The following USH1C variants were observed in gnomAD, a reference collection of about 807,000 sequenced individuals.
USH1C encodes the protein USH1 protein network component harmonin.
A neutral mutation model predicts 119.3 loss-of-function variants in USH1C; 90 were observed. The ratio of observed to expected loss-of-function variants is 0.75; its 90% CI spans 0.64 to 0.90. USH1C has a LOEUF of 0.90. USH1C is among the 40% of genes least tolerant of loss of function. The pLI, the probability that USH1C is intolerant of heterozygous loss-of-function variation, is 0.00. For missense variants in USH1C, 1,165 were observed against 1,167.7 expected, an observed-to-expected ratio of 1.00 and a Z score of 0.03; for synonymous variants, 465 against 443.3, an observed-to-expected ratio of 1.05 and a Z score of -0.62.
At chr11:17,524,341 G>T in intron 9 of USH1C, 110 bp downstream of exon 9, 1 of 1,192,442 alleles carries the variant, frequency 8.4e-7, no homozygotes, top group Non-Finnish European at 1.2e-6. Context: ...CTCCCTCAGT[G>T]TCCACTGAAA....
chr11:17,516,293 A>G lies in USH1C; in HGVS notation c.1211-3T>C, dbSNP rs749767662. 8 of 1,612,728 alleles carry G rather than the reference A, an allele frequency of 5.0e-6. No individual in the cohort carries two copies. Among genetic ancestry groups the G allele is most frequent in the South Asian group, 3.3e-5 (3 of 90,472 alleles). ...GTAACGATAAAACCATCCAAAAGCT[A>G]TAAGACACAGATAACAAAATGATGA... On this transcript the variant is annotated splice_region_variant and splice_polypyrimidine_tract_variant and intron_variant, in intron 14 of 26. Coordinates refer to ENST00000005226, the MANE Select transcript of USH1C (RefSeq NM_153676.4).
intron 7 of USH1C, 40 bp downstream of exon 7, chr11:17,526,713 G>T (rs1850692844): frequency 1.2e-6 from 2 of 1,603,812 alleles, no homozygotes; most frequent in South Asian, 1.1e-5. Flanking sequence ...CCTTGAAGAT[G>T]ACCCCACCCA....
At chr11:17,506,471 A>G (rs1168956885) in intron 18 of USH1C, among the ~76,000 whole-genome samples, 1 of 152,300 alleles carries the variant, frequency 6.6e-6, no homozygotes, top group East Asian at 1.9e-4. Context: ...CTTTTTGGGC[A>G]AGATGTATCA....
chr11:17,525,505 G>A (rs1197319805), intron 8 of USH1C, among the ~76,000 whole-genome samples: 1 of 152,228 alleles, frequency 6.6e-6, no homozygotes, highest in Non-Finnish European at 1.5e-5. Flanking sequence ...ACCCTGTGAT[G>A]TGGGAATTAT....
chr11:17,513,857 T>C (rs750488765), intron 15 of USH1C, among the ~76,000 whole-genome samples: 1 of 152,048 alleles, frequency 6.6e-6, no homozygotes, highest in Non-Finnish European at 1.5e-5. Context: ...CTACCAGTGC[T>C]AAGATTATAG....
intron 23 of USH1C, among the ~76,000 whole-genome samples, chr11:17,500,782 A>G (rs1364848704): frequency 6.6e-6 from 1 of 152,066 alleles, no homozygotes; most frequent in East Asian, 1.9e-4. Flanking sequence ...TGTGACTTTC[A>G]GTATCTGGCA....
At position 17,512,052 on chromosome 11, in the gene USH1C, T is replaced by C. The variant is rs1288920914; in HGVS notation, c.1263A>G (p.Lys421=). The change falls in exon 16 of 27, where the codon AAA becomes AAG. Residue 421 remains lysine, a splice_region_variant and synonymous_variant. Coordinates refer to ENST00000005226, the MANE Select transcript of USH1C (RefSeq NM_153676.4). ...YDGKFPTIRK[K]GKDKKKAKYG... ...ACTTGGCTTTCTTCTTATCTTTTCCTTTCTGAGTAGATGTGGCATTGTTTA... is the reference window on the plus strand; with the variant it reads ...ACTTGGCTTTCTTCTTATCTTTTCCCTTCTGAGTAGATGTGGCATTGTTTA... 3.7e-6 allele frequency: 6 copies of C among 1,614,198 alleles called. No individual in the cohort carries two copies. The highest frequency in any genetic ancestry group is 4.2e-6 in the Non-Finnish European group (5 of 1,180,026).
chr11:17,506,952 T>C (rs1258283349), intron 18 of USH1C, among the ~76,000 whole-genome samples: 2 of 152,170 alleles, frequency 1.3e-5, no homozygotes, highest in South Asian at 2.1e-4. Flanking sequence ...TCAATAAGCA[T>C]GTGTTGAATG....
chr11:17,509,884 G>T, intron 17 of USH1C, 46 bp from the exon 18 acceptor site: 1 of 1,565,602 alleles, frequency 6.4e-7, no homozygotes, highest in African/African-American at 1.3e-5. Flanking sequence ...TCTGCTTAGA[G>T]CTCCACTTCA....
Position 17,523,060 on chromosome 11 carries a change from A to G in USH1C, c.877-134T>C, listed in dbSNP as rs761297646. 1.9e-6 allele frequency: 3 copies of G among 1,574,316 alleles called. No individual in the cohort carries two copies. The Admixed American group carries it at 5.0e-5, about 26-fold the overall frequency. On this transcript the variant is annotated intron_variant, in intron 11 of 26. Coordinates refer to ENST00000005226, the MANE Select transcript of USH1C (RefSeq NM_153676.4). ...TGCGGCTCCCGCAATCCCTGACCCA[A>G]ACTTCTTGCTGGGCAGAAGTCCTCT... is the stretch of plus-strand genomic sequence containing the variant.
chr11:17,498,879 C>T lies in USH1C; in HGVS notation c.2381-608G>A, dbSNP rs111354925. On this transcript the variant is annotated intron_variant, in intron 23 of 26. Coordinates refer to ENST00000005226, the MANE Select transcript of USH1C (RefSeq NM_153676.4). ...CTCTCCCACCACACTGTCAGCTCCA[C>T]GTGGGCAGGGATTGTCTTTTTGGTT... 2.1e-3 allele frequency among the ~76,000 whole-genome samples: 326 copies of T among 152,354 alleles called. 1 individual carries two copies. Among genetic ancestry groups the T allele is most frequent in the Non-Finnish European group, 2.5e-3 (173 of 68,036 alleles).
At position 17,523,283 on chromosome 11, in the gene USH1C, G is replaced by A. The variant is rs1408756323; in HGVS notation, c.820-16C>T. On this transcript the variant is annotated splice_polypyrimidine_tract_variant and intron_variant, in intron 10 of 26. Coordinates refer to ENST00000005226, the MANE Select transcript of USH1C (RefSeq NM_153676.4). ...CATTTACAGCCTGTGGGGACAGAAGGACAGTGGGCCGAGGCCTGACAGACC... is the reference window on the plus strand; with the variant it reads ...CATTTACAGCCTGTGGGGACAGAAGAACAGTGGGCCGAGGCCTGACAGACC... 1.9e-6 allele frequency: 3 copies of A among 1,614,216 alleles called. No individual in the cohort carries two copies. Among genetic ancestry groups the A allele is most frequent in the African/African-American group, 1.3e-5 (1 of 75,064 alleles).
rs1419217210 is a variant in USH1C, at chr11:17,544,262, C to A, written c.36+10G>T. 1.2e-6 allele frequency: 2 copies of A among 1,614,010 alleles called. No individual in the cohort carries two copies. Among genetic ancestry groups the A allele is most frequent in the South Asian group, 2.2e-5 (2 of 91,086 alleles). On this transcript the variant is annotated intron_variant, in intron 1 of 26. Transcript: ENST00000005226. ...AGTCCCAGAAGCCTGGGGCGCCCTG[C>A]AGCTCTGACCTTATGCCGGAATTCT...
At position 17,510,456 on chromosome 11, in the gene USH1C, G is replaced by A; in HGVS notation, c.1479C>T (p.Leu493=). The A allele has an allele frequency of 6.2e-7, 1 of 1,613,276 alleles. No homozygotes were observed. The highest frequency in any genetic ancestry group is 8.5e-7 in the Non-Finnish European group (1 of 1,179,926). Residue 493 remains leucine (L), a synonymous_variant, in exon 17 of 27, where the codon CTC becomes CTT. Transcript: ENST00000005226. Reference sequence around the variant, plus strand: ...AAATCTGCTCGAGGCGCGTTTGACAGAGCCTCTCCACCCAATATTGAATCT... The same window carrying A: ...AAATCTGCTCGAGGCGCGTTTGACAAAGCCTCTCCACCCAATATTGAATCT... ...SEKIQYWVER[L]CQTRLEQISS... is the part of the protein sequence containing the mutation.
rs763367346 is a variant in USH1C, at chr11:17,495,615, C to T, written c.2609G>A (p.Arg870His). 6.1e-5 allele frequency: 98 copies of T among 1,614,080 alleles called. 1 individual carries two copies. Among genetic ancestry groups the T allele is most frequent in the South Asian group, 3.4e-4 (31 of 91,086 alleles). Residue 870 changes from arginine (R) to histidine (H), a missense_variant, in exon 26 of 27, where the codon CGT becomes CAT. Physicochemically the swap from Arg to His is conservative, Grantham distance 29. Transcript: ENST00000005226. ...PQPVRKLLED[R>H]AAVHRHGFLL... ...GAACCCGTGTCTGTGCACGGCAGCA[C>T]GGTCTTCAAGGAGCTTTCGGACCGG...
intron 8 of USH1C, among the ~76,000 whole-genome samples, chr11:17,525,627 G>A (rs988129819): frequency 1.3e-5 from 2 of 152,160 alleles, no homozygotes; most frequent in African/African-American, 4.8e-5. Flanking sequence ...TCTGAGTAAC[G>A]GTGGCACCTG....
chr11:17,531,370 T>C lies in USH1C; in HGVS notation c.248+29A>G, dbSNP rs1287555147. On this transcript the variant is annotated intron_variant, in intron 3 of 26. Coordinates refer to ENST00000005226, the MANE Select transcript of USH1C (RefSeq NM_153676.4). The surrounding 1 kb of genome is among the most constrained non-coding windows in gnomAD (Gnocchi z 4.2). ...CGCCCAGGGTGATCTCTCCACCCCC[T>C]GCCTCCAGCCTGGTGGCTTCCTCTG... 6.2e-7 allele frequency: 1 copy of C among 1,613,718 alleles called. No individual in the cohort carries two copies. Among genetic ancestry groups the C allele is most frequent in the East Asian group, 2.2e-5 (1 of 44,862 alleles).
In USH1C at chr11:17,511,923, C is replaced by A; in HGVS notation, c.1392G>T (p.Lys464Asn). The A allele has an allele frequency of 6.2e-7, 1 of 1,614,004 alleles. No homozygotes were observed. Among genetic ancestry groups the A allele is most frequent in the Non-Finnish European group, 8.5e-7 (1 of 1,179,990 alleles). The stretch of plus-strand genomic sequence containing the variant: ...ATACCTCCTGGGCCAGCCGGTTGAT[C>A]TTTAGCTGCTTTTCCTTCTCCAGCA... Reference protein sequence around the residue: ...EEMLEKEKQLKINRLAQEVSE... With the variant: ...EEMLEKEKQLNINRLAQEVSE... The change falls in exon 16 of 27, where the codon AAG becomes AAT. Residue 464 changes from lysine (K) to asparagine (N), a missense_variant. By Grantham distance (94) the Lys-to-Asn change is moderately conservative (BLOSUM62 0). Transcript: ENST00000005226.
At chr11:17,509,313 C>G in intron 18 of USH1C, 43 bp downstream of exon 18, 2 of 1,526,704 alleles carry the variant, frequency 1.3e-6, no homozygotes, top group Non-Finnish European at 1.8e-6. Flanking sequence ...GTTCTCCCCA[C>G]TCTTCCTACT....
Sources: gnomAD v4.1 joint callset for allele counts (sites outside exome capture counted in the v4.1 genomes callset) on GRCh38, gnomAD v4.1.1 for gene constraint, Gnocchi (gnomAD v3.1) non-coding constraint, MANE v1.5 for transcripts, NCBI Gene and HGNC (gene_info 2026-07-23, HGNC 2026-07-21) for gene names.